The following PPARGC1B variants were observed in gnomAD, a reference collection of about 807,000 sequenced individuals.
PPARGC1B encodes PPARG coactivator 1 beta.
PPARGC1B carries 34 observed loss-of-function variants against 101.6 expected under a neutral mutation model. The observed-to-expected ratio is 0.33, with a 90% CI of 0.25 to 0.45. The LOEUF is 0.45. PPARGC1B is among the 20% of genes least tolerant of loss of function. The pLI, the probability that PPARGC1B is intolerant of heterozygous loss-of-function variation, is 1.00. For synonymous variants in PPARGC1B, 548 were observed against 539.3 expected, an observed-to-expected ratio of 1.02 and a Z score of -0.22; for missense variants, 1,234 against 1,317.6, an observed-to-expected ratio of 0.94 and a Z score of 0.98.
chr5:149,760,279 T>G (rs751370042), intron 1 of PPARGC1B, among the ~76,000 whole-genome samples: 2 of 152,124 alleles, frequency 1.3e-5, no homozygotes, highest in Non-Finnish European at 2.9e-5. Flanking sequence ...GAAGAATTGT[T>G]GTGGTGGGAC....
rs553717573 is a variant in PPARGC1B at position 149,772,042 on chromosome 5, G to A, written c.78+41622G>A. ...AGAAGTGAAGGTTTCCAACTTAGACGTGCCAGGCTGTGCACAGGTGGGGAC... is the reference window on the plus strand; with the variant it reads ...AGAAGTGAAGGTTTCCAACTTAGACATGCCAGGCTGTGCACAGGTGGGGAC... On this transcript the variant is annotated intron_variant, in intron 1 of 11. Transcript: ENST00000309241. The A allele has an allele frequency of 7.0e-4, 1,066 of 1,517,614 alleles. 33 individuals are homozygous for A. In the South Asian group the frequency reaches 0.012, roughly 17 times the overall value. The allele number at this position is 1,517,614 out of a possible 1,614,324, so 94.0% of individuals were successfully genotyped here.
At chr5:149,803,433 T>C (rs138490944) in intron 1 of PPARGC1B, among the ~76,000 whole-genome samples, 1 of 152,334 alleles carries the variant, frequency 6.6e-6, no homozygotes, top group Non-Finnish European at 1.5e-5. Context: ...TAAAGGATTT[T>C]TATGAGCCCT....
intron 3 of PPARGC1B, 46 bp downstream of exon 3, chr5:149,826,931 A>C (rs764263274): frequency 1.4e-6 from 2 of 1,464,086 alleles, no homozygotes; most frequent in South Asian, 2.5e-5. Context: ...GCCTGGGATT[A>C]GGTTTCTGGT....
intron 9 of PPARGC1B, among the ~76,000 whole-genome samples, chr5:149,840,505 C>T (rs2113432965): frequency 6.6e-6 from 1 of 152,206 alleles, no homozygotes; most frequent in Middle Eastern, 3.4e-3. Context: ...TGGGCAGGTC[C>T]CCCAGCTACC....
chr5:149,827,854 C>A (rs1758591696), intron 3 of PPARGC1B, among the ~76,000 whole-genome samples: 1 of 152,218 alleles, frequency 6.6e-6, no homozygotes, highest in Admixed American at 6.5e-5. Context: ...GCTGAGAGCA[C>A]CCATAGCTGA....
chr5:149,843,243 CAG>C (rs1260455869), intron 10 of PPARGC1B, among the ~76,000 whole-genome samples: 1 of 152,152 alleles, frequency 6.6e-6, no homozygotes, highest in Non-Finnish European at 1.5e-5. Context: ...TTTTACCTAT[CAG>C]GGGATCTGCA....
At chr5:149,760,185 A>G (rs557075417) in intron 1 of PPARGC1B, among the ~76,000 whole-genome samples, 1 of 152,194 alleles carries the variant, frequency 6.6e-6, no homozygotes, top group Non-Finnish European at 1.5e-5. Context: ...CAGACCACAG[A>G]GGGCCAGCAG....
intron 1 of PPARGC1B, among the ~76,000 whole-genome samples, chr5:149,745,843 A>C (rs72830210): frequency 6.6e-6 from 1 of 152,080 alleles, no homozygotes; most frequent in Admixed American, 6.5e-5. Context: ...TCCCACACCC[A>C]CTTATGGGTC....
At position 149,847,456 on chromosome 5, in the gene PPARGC1B, A is replaced by G; in HGVS notation, c.2972-2A>G. 6.2e-7 allele frequency: 1 copy of G among 1,612,604 alleles called. No individual in the cohort carries two copies. The highest frequency in any genetic ancestry group is 8.5e-7 in the Non-Finnish European group (1 of 1,178,560). Reference sequence around the variant, plus strand: ...TCCCTGCCTCTTCACCCCCATGCCCAGATTCCAATTCAGAAGAGGCCCTTC... The same window carrying G: ...TCCCTGCCTCTTCACCCCCATGCCCGGATTCCAATTCAGAAGAGGCCCTTC... On this transcript the variant is annotated splice_acceptor_variant, in intron 11 of 11. Coordinates refer to ENST00000309241, the MANE Select transcript of PPARGC1B (RefSeq NM_133263.4). LOFTEE classifies it high-confidence loss of function.
intron 1 of PPARGC1B, among the ~76,000 whole-genome samples, chr5:149,755,940 G>A (rs115241443): frequency 1.7e-4 from 26 of 152,202 alleles, no homozygotes; most frequent in African/African-American, 6.0e-4. Context: ...CGCCGTGCCC[G>A]GCCTATGGTG....
At chr5:149,773,473 C>T (rs1756226678) in intron 1 of PPARGC1B, among the ~76,000 whole-genome samples, 1 of 152,238 alleles carries the variant, frequency 6.6e-6, no homozygotes, top group East Asian at 1.9e-4. Flanking sequence ...TGGGGCAAGG[C>T]AGCGTCTACT....
intron 1 of PPARGC1B, among the ~76,000 whole-genome samples, chr5:149,760,988 G>A (rs1409730336): frequency 5.3e-5 from 8 of 152,184 alleles, no homozygotes; most frequent in Admixed American, 3.9e-4. Context: ...GCATCTGGGC[G>A]GATTTGTTCA....
intron 1 of PPARGC1B, among the ~76,000 whole-genome samples, chr5:149,771,541 G>T (rs186424823): frequency 1.4e-3 from 209 of 152,356 alleles, no homozygotes; most frequent in African/African-American, 4.9e-3. Flanking sequence ...GCAGAGGTGG[G>T]CAGGGGATGG....
chr5:149,761,643 C>G (rs1299124924), intron 1 of PPARGC1B: 1 of 152,126 alleles, frequency 6.6e-6, no homozygotes, highest in Non-Finnish European at 1.5e-5. Flanking sequence ...ATTATGCAAC[C>G]TTAAGAAAGG....
intron 7 of PPARGC1B, among the ~76,000 whole-genome samples, 167 bp from the exon 8 acceptor site, chr5:149,836,096 C>G (rs1188698786): frequency 4.0e-5 from 6 of 151,848 alleles, no homozygotes; most frequent in African/African-American, 1.5e-4. Context: ...ACCGTGTTGG[C>G]CAGGCTGGTC....
intron 1 of PPARGC1B, chr5:149,771,896 G>A: frequency 1.3e-6 from 1 of 781,274 alleles, no homozygotes; most frequent in South Asian, 2.3e-5. Context: ...TCCTGTTTAA[G>A]TGATGTCACT....
chr5:149,770,051 C>T (rs1756069183), intron 1 of PPARGC1B, among the ~76,000 whole-genome samples: 1 of 152,336 alleles, frequency 6.6e-6, no homozygotes, highest in East Asian at 1.9e-4. Flanking sequence ...TGGTGGTGCA[C>T]TCATCATCTC....
chr5:149,742,522 T>C (rs1411726707), intron 1 of PPARGC1B, among the ~76,000 whole-genome samples: 2 of 152,184 alleles, frequency 1.3e-5, no homozygotes, highest in Non-Finnish European at 2.9e-5. Flanking sequence ...CTGACTGTGC[T>C]GAGGAGTTTG....
At chr5:149,828,928 G>A (rs1019157976) in intron 3 of PPARGC1B, among the ~76,000 whole-genome samples, 1 of 151,694 alleles carries the variant, frequency 6.6e-6, no homozygotes, top group South Asian at 2.1e-4. Flanking sequence ...GCACGTGCCT[G>A]TAGTCCCAGC....
Sources: gnomAD v4.1 joint callset for allele counts (sites outside exome capture counted in the v4.1 genomes callset) on GRCh38, gnomAD v4.1.1 for gene constraint, MANE v1.5 for transcripts, NCBI Gene and HGNC (gene_info 2026-07-23, HGNC 2026-07-21) for gene names.